The following DCST2 variants were observed in gnomAD, a reference collection of about 807,000 sequenced individuals.
DCST2 encodes the protein DC-STAMP domain containing 2.
DCST2 carries 64 observed loss-of-function variants against 81.8 expected under a neutral mutation model. The observed-to-expected ratio is 0.78, with a 90% CI of 0.64 to 0.96. The LOEUF is 0.96. Ranked by LOEUF, DCST2 falls within the 40% of genes least tolerant of loss-of-function variation. The probability of loss-of-function intolerance (pLI) is 0.00; values close to 1 mark genes in which losing one functional copy is unlikely to be tolerated. For missense variants in DCST2, 945 were observed against 1,001.4 expected (o/e 0.94, Z 0.76); for synonymous variants, 354 against 402.6 (o/e 0.88, Z 1.44).
intron 7 of DCST2, among the ~76,000 whole-genome samples, 169 bp from the exon 8 acceptor site, chr1:155,029,566 T>A (rs1660008823): frequency 6.6e-6 from 1 of 152,114 alleles, no homozygotes; most frequent in African/African-American, 2.4e-5. Context: ...GAAAATACTC[T>A]TCAGGGGAGG....
intron 8 of DCST2, 111 bp from the exon 9 acceptor site, chr1:155,026,826 C>A: frequency 7.3e-7 from 1 of 1,365,160 alleles, no homozygotes; most frequent in Non-Finnish European, 1.0e-6. Context: ...ATGACTCAGA[C>A]CCTTGGCTGG....
Position 155,023,935 on chromosome 1 carries a change from G to A in DCST2, c.1767C>T (p.Val589=), listed in dbSNP as rs755338198. ...ASRCPCLGPF[V]SHFWLHQAYC... ...AGGCCTGATGCAGCCAAAAGTGGCTGACAAATGGACCTAGGCAGGGGCACC... is the reference window on the plus strand; with the variant it reads ...AGGCCTGATGCAGCCAAAAGTGGCTAACAAATGGACCTAGGCAGGGGCACC... Residue 589 remains valine (V), a synonymous_variant, in exon 12 of 15, where the codon GTC becomes GTT. Transcript: ENST00000368424. 55 of 1,613,274 alleles carry A rather than the reference G, an allele frequency of 3.4e-5. No homozygotes were observed. Among genetic ancestry groups the A allele is most frequent in the Non-Finnish European group, 4.5e-5 (53 of 1,179,900 alleles).
chr1:155,025,255 T>C (rs1558099133), intron 10 of DCST2, among the ~76,000 whole-genome samples: 1 of 151,824 alleles, frequency 6.6e-6, no homozygotes. Flanking sequence ...GGCAAAGAGA[T>C]AGGGGAATAC....
intron 10 of DCST2, 81 bp from the exon 11 acceptor site, chr1:155,024,683 C>G (rs1659851444): frequency 7.2e-7 from 1 of 1,395,640 alleles, no homozygotes; most frequent in African/African-American, 1.5e-5. Flanking sequence ...CACTACCTAC[C>G]TTTTCCTTCT....
Position 155,029,286 on chromosome 1 carries a change from A to G in DCST2, c.1289T>C (p.Phe430Ser), listed in dbSNP as rs1240290145. 10 of 1,613,982 alleles carry G rather than the reference A, an allele frequency of 6.2e-6. No individual in the cohort carries two copies. Among genetic ancestry groups the G allele is most frequent in the Non-Finnish European group, 7.6e-6 (9 of 1,180,016 alleles). Residue 430 changes from phenylalanine to serine, a missense_variant, in exon 8 of 15, where the codon TTC becomes TCC. Coordinates refer to ENST00000368424, the MANE Select transcript of DCST2 (RefSeq NM_144622.3). The stretch of plus-strand genomic sequence containing the variant: ...GTGCCGGGCCAGGTCAAGCACCCAG[A>G]AGACAGCATAGTCTAGGAAGACTAG... ...LFLVFLDYAVFWVLDLARHQL... is the reference protein window; with the variant it reads ...LFLVFLDYAVSWVLDLARHQL...
intron 14 of DCST2, 66 bp downstream of exon 14, chr1:155,023,047 CCTTT>C: frequency 1.9e-6 from 3 of 1,555,138 alleles, no homozygotes; most frequent in Non-Finnish European, 1.7e-6. Context: ...CCCAGGAAGG[CCTTT>C]GCAAATGGAA....
At position 155,024,353 on chromosome 1, in the gene DCST2, A is replaced by G. The variant is rs996795100; in HGVS notation, c.1742+119T>C. The G allele has an allele frequency of 9.5e-6, 13 of 1,370,160 alleles. No individual in the cohort carries two copies. The Admixed American group carries it at 2.3e-4, about 25-fold the overall frequency. 84.9% of individuals were successfully genotyped at this position (1,370,160 alleles called of 1,614,324 possible). On this transcript the variant is annotated intron_variant, in intron 11 of 14. Transcript: ENST00000368424. ...CCTTTCACAGCGTTAAGGGTATGCA[A>G]TGGGCATTCTCTTCAACCAAATCTC...
In DCST2 at chr1:155,018,695, TG is replaced by T. The variant is rs1328608954; in HGVS notation, c.2170del (p.His724IlefsTer?). On this transcript the variant is annotated frameshift_variant, in exon 15 of 15. Coordinates refer to ENST00000368424, the MANE Select transcript of DCST2 (RefSeq NM_144622.3). LOFTEE classifies it low-confidence loss of function (END_TRUNC). ...KHGQQPLPEAHQPVSILTSPE... is the reference protein window; with the variant it reads ...KHGQQPLPEAXQPVSILTSPE... ...GCTGGTGAGAATGCTGACAGGCTGA[TG>T]GGCTTCAGGTAAGGGCTGCTGCCCG... 6.2e-7 allele frequency: 1 copy of T among 1,613,850 alleles called. No individual in the cohort carries two copies. Among genetic ancestry groups the T allele is most frequent in the Non-Finnish European group, 8.5e-7 (1 of 1,179,968 alleles).
rs775109444 is a variant in DCST2 at position 155,023,194 on chromosome 1, C to T, written c.2028G>A (p.Glu676=). The T allele has an allele frequency of 2.5e-6, 4 of 1,614,076 alleles. No individual in the cohort carries two copies. The highest frequency in any genetic ancestry group is 3.4e-6 in the Non-Finnish European group (4 of 1,180,048). Residue 676 remains glutamate (E), a synonymous_variant, in exon 14 of 15, where the codon GAG becomes GAA. Transcript: ENST00000368424. ...GCTGTTGCTGCAATAACCATGCCTGCTCAGGGTCCTTCCTTTGAGCTGCAG... is the reference window on the plus strand; with the variant it reads ...GCTGTTGCTGCAATAACCATGCCTGTTCAGGGTCCTTCCTTTGAGCTGCAG... ...WLAAAQRKDP[E]QAWLLQQQLQ...
chr1:155,030,738 C>T (rs539486841), intron 5 of DCST2, 93 bp from the exon 6 acceptor site: 34 of 1,399,210 alleles, frequency 2.4e-5, no homozygotes, highest in Admixed American at 9.8e-5. Context: ...GCCCAGGGGG[C>T]GCAGCTTACA....
Position 155,026,722 on chromosome 1 carries a change from CAA to C in DCST2, c.1343-9_1343-8del. 6.2e-7 allele frequency: 1 copy of C among 1,614,092 alleles called. No individual in the cohort carries two copies. The highest frequency in any genetic ancestry group is 8.5e-7 in the Non-Finnish European group (1 of 1,179,980). On this transcript the variant is annotated splice_polypyrimidine_tract_variant and splice_region_variant and intron_variant, in intron 8 of 14. Transcript: ENST00000368424. ...AGAGACACCAACACAGGACCTGGCACAAAGACACTGTGTGAGTGACACTCATG... is the reference window on the plus strand; with the variant it reads ...AGAGACACCAACACAGGACCTGGCACAGACACTGTGTGAGTGACACTCATG...
chr1:155,026,754 T>C (rs2102339152), intron 8 of DCST2, 39 bp from the exon 9 acceptor site: 1 of 1,610,312 alleles, frequency 6.2e-7, no homozygotes, highest in Non-Finnish European at 8.5e-7. Context: ...CTCATGGCAG[T>C]TGCTATGCAG....
chr1:155,031,829 G>A (rs372177250), intron 3 of DCST2, 58 bp from the exon 4 acceptor site: 2 of 1,555,220 alleles, frequency 1.3e-6, no homozygotes, highest in East Asian at 2.3e-5. Flanking sequence ...TCTTCTCAGG[G>A]TTTTGGGGAA....
Position 155,033,662 on chromosome 1 carries a change from C to A in DCST2, c.40G>T (p.Gly14Ter). ...GCTCTCGCCATGCTAGGCTCCTCTC[C>A]CCCCAAGGGGTGCACAACATCCTTC... ...VMKDVVHPLG[G>*]EEPSMARAVV... is the part of the protein sequence containing the mutation. Residue 14 changes from glycine (G) to a stop codon, truncating the protein, a stop_gained, in exon 1 of 15, where the codon GGA (glycine) becomes TGA (stop). Coordinates refer to ENST00000368424, the MANE Select transcript of DCST2 (RefSeq NM_144622.3). LOFTEE classifies it high-confidence loss of function. 6.2e-7 allele frequency: 1 copy of A among 1,614,156 alleles called. No individual in the cohort carries two copies. Among genetic ancestry groups the A allele is most frequent in the Non-Finnish European group, 8.5e-7 (1 of 1,179,994 alleles).
At chr1:155,024,336 A>G in intron 11 of DCST2, 136 bp downstream of exon 11, 1 of 1,205,268 alleles carries the variant, frequency 8.3e-7, no homozygotes, top group Non-Finnish European at 1.1e-6. Context: ...CACCTTTCAC[A>G]GCGTTAAGGG....
intron 1 of DCST2, 55 bp from the exon 2 acceptor site, chr1:155,033,319 G>A (rs551493508): frequency 5.0e-6 from 8 of 1,590,780 alleles, no homozygotes; most frequent in Admixed American, 1.8e-5. Flanking sequence ...ATGGCAGCAA[G>A]TCCCTTACAT....
At chr1:155,021,710 G>T (rs1659762235) in intron 14 of DCST2, among the ~76,000 whole-genome samples, 1 of 151,800 alleles carries the variant, frequency 6.6e-6, no homozygotes. Flanking sequence ...TTATCTTCCT[G>T]CCCTAACACC....
At position 155,030,606 on chromosome 1, in the gene DCST2, T is replaced by C; in HGVS notation, c.845A>G (p.Glu282Gly). 6.2e-7 allele frequency: 1 copy of C among 1,614,020 alleles called. No homozygotes were observed. The highest frequency in any genetic ancestry group is 1.3e-5 in the African/African-American group (1 of 75,004). Residue 282 changes from glutamate to glycine, a missense_variant, in exon 6 of 15, where the codon GAG (glutamate) becomes GGG (glycine). By Grantham distance (98) the Glu-to-Gly change is moderately conservative. Coordinates refer to ENST00000368424, the MANE Select transcript of DCST2 (RefSeq NM_144622.3). Reference sequence around the variant, plus strand: ...GTGGTGGGTGGCTGTCATGTTGAACTCAAACTCCTGACGCACCCGGTTGAG... The same window carrying C: ...GTGGTGGGTGGCTGTCATGTTGAACCCAAACTCCTGACGCACCCGGTTGAG... Reference protein sequence around the residue: ...QLLNRVRQEFEFNMTATHHFS... With the variant: ...QLLNRVRQEFGFNMTATHHFS...
At chr1:155,031,047 CCTTT>C in intron 5 of DCST2, 118 bp downstream of exon 5, 3 of 1,088,160 alleles carry the variant, frequency 2.8e-6, no homozygotes, top group Non-Finnish European at 3.9e-6. Context: ...CACTTGAGCC[CCTTT>C]CTTTCTCTTA....
Sources: gnomAD v4.1 joint callset for allele counts (sites outside exome capture counted in the v4.1 genomes callset) on GRCh38, gnomAD v4.1.1 for gene constraint, MANE v1.5 for transcripts, NCBI Gene and HGNC (gene_info 2026-07-23, HGNC 2026-07-21) for gene names.